The following FER1L6 variants were observed in gnomAD, a reference collection of about 807,000 sequenced individuals.
FER1L6 encodes fer-1 like family member 6.
FER1L6 carries 177 observed loss-of-function variants against 219.2 expected under a neutral mutation model. That is an observed-to-expected ratio of 0.81 (90% CI 0.71 to 0.91). The LOEUF is 0.91. Among genes scored for constraint, FER1L6 ranks in the 40% least tolerant of loss-of-function variants. The pLI is 0.00. For synonymous variants in FER1L6, 768 were observed against 824.3 expected (o/e 0.93, Z 1.17); for missense variants, 2,153 against 2,259.9 (o/e 0.95, Z 0.96).
At chr8:124,017,993 A>C (rs1454619052) in intron 16 of FER1L6, among the ~76,000 whole-genome samples, 2 of 152,242 alleles carry the variant, frequency 1.3e-5, no homozygotes, top group Admixed American at 6.5e-5. Flanking sequence ...TATTTTGTTA[A>C]AGGCGGTAGA....
intron 15 of FER1L6, among the ~76,000 whole-genome samples, chr8:124,015,616 T>TATATATATGTATA (rs1586593989): frequency 7.8e-6 from 1 of 128,608 alleles, no homozygotes; most frequent in Non-Finnish European, 1.7e-5. Context: ...TATATATATA[T>TATATATATGTATA]TACTCCTGCT....
At chr8:124,010,355 A>G (rs942418179) in intron 13 of FER1L6, among the ~76,000 whole-genome samples, 7 of 152,166 alleles carry the variant, frequency 4.6e-5, no homozygotes, top group African/African-American at 1.7e-4. Flanking sequence ...GATCATTTCT[A>G]AGCTTTGTTC....
chr8:123,874,664 A>C (rs1256491734), intron 1 of FER1L6, among the ~76,000 whole-genome samples: 3 of 152,188 alleles, frequency 2.0e-5, no homozygotes, highest in African/African-American at 7.2e-5. Flanking sequence ...TGACTGGTAC[A>C]TCTTATTATC....
chr8:123,855,526 T>C (rs1019798415), intron 1 of FER1L6, among the ~76,000 whole-genome samples: 1 of 151,330 alleles, frequency 6.6e-6, no homozygotes, highest in Non-Finnish European at 1.5e-5. Flanking sequence ...AAAAAGGGAG[T>C]GGGCAATAGT....
rs1017319777 is a variant in FER1L6, at chr8:123,992,777, A to G, written c.1519+6601A>G. Reference sequence around the variant, plus strand: ...AGTTTTGTTTTTTTCCTATTTTTCTACTTCCTTGAGGTGCGACATTGGGTT... The same window carrying G: ...AGTTTTGTTTTTTTCCTATTTTTCTGCTTCCTTGAGGTGCGACATTGGGTT... On this transcript the variant is annotated intron_variant, in intron 12 of 40. Coordinates refer to ENST00000522917, the MANE Select transcript of FER1L6 (RefSeq NM_001039112.2). 5.3e-5 allele frequency among the ~76,000 whole-genome samples: 8 copies of G among 151,204 alleles called. No homozygotes were observed. The East Asian group carries it at 7.8e-4, about 15-fold the overall frequency.
intron 39 of FER1L6, among the ~76,000 whole-genome samples, chr8:124,117,358 C>G (rs1823291867): frequency 6.6e-6 from 1 of 152,198 alleles, no homozygotes; most frequent in Non-Finnish European, 1.5e-5. Context: ...ATTATTATCA[C>G]TCCACTATTG....
rs1467471240 is a variant in FER1L6, at chr8:123,977,674, A to T, written c.1063+65A>T. 3 of 1,479,154 alleles carry T rather than the reference A, an allele frequency of 2.0e-6. No individual in the cohort carries two copies. The Admixed American group carries it at 5.5e-5, about 27-fold the overall frequency. The allele number at this position is 1,479,154 out of a possible 1,614,324, so 91.6% of individuals were successfully genotyped here. On this transcript the variant is annotated intron_variant, in intron 10 of 40. Transcript: ENST00000522917. ...TGCTTGCTTTAGAGCCCTCATCTTT[A>T]AAAGGGGTGGGCTAGAGCAGCAGTC... is the stretch of plus-strand genomic sequence containing the variant.
chr8:124,090,663 T>G (rs1431196443), intron 33 of FER1L6, among the ~76,000 whole-genome samples: 1 of 152,218 alleles, frequency 6.6e-6, no homozygotes, highest in Non-Finnish European at 1.5e-5. Flanking sequence ...AGCAGAGACA[T>G]CAAGCTTATC....
At chr8:123,897,065 T>C (rs113534887) in intron 1 of FER1L6, among the ~76,000 whole-genome samples, 10 of 152,248 alleles carry the variant, frequency 6.6e-5, no homozygotes, top group African/African-American at 2.4e-4. Flanking sequence ...TTTTCACACA[T>C]CTCACATGTG....
rs138984599 is a variant in FER1L6 at position 123,891,083 on chromosome 8, A to G, written c.-8+38898A>G. ...GTTCATCATTATTTAAGTGATATTCACTTGGATTAAGTAACAATAAAAAAA... is the reference window on the plus strand; with the variant it reads ...GTTCATCATTATTTAAGTGATATTCGCTTGGATTAAGTAACAATAAAAAAA... On this transcript the variant is annotated intron_variant, in intron 1 of 40. Coordinates refer to ENST00000522917, the MANE Select transcript of FER1L6 (RefSeq NM_001039112.2). 3.0e-3 allele frequency among the ~76,000 whole-genome samples: 456 copies of G among 152,272 alleles called. 4 individuals are homozygous for G. The highest frequency in any genetic ancestry group is 0.011 in the African/African-American group (441 of 41,556).
chr8:123,912,414 C>A (rs1314193807), intron 1 of FER1L6, among the ~76,000 whole-genome samples: 1 of 152,070 alleles, frequency 6.6e-6, no homozygotes, highest in Non-Finnish European at 1.5e-5. Context: ...AGGTTTTGCA[C>A]CTGTAGGGGC....
intron 1 of FER1L6, among the ~76,000 whole-genome samples, chr8:123,877,500 G>A (rs1001324608): frequency 1.3e-5 from 2 of 152,124 alleles, no homozygotes; most frequent in Admixed American, 6.5e-5. Context: ...CACTGGCATC[G>A]AATGAGATGA....
intron 12 of FER1L6, among the ~76,000 whole-genome samples, chr8:124,001,003 G>C (rs754915240): frequency 3.9e-5 from 6 of 152,160 alleles, no homozygotes; most frequent in Non-Finnish European, 5.9e-5. Context: ...AGCATCAAAG[G>C]ACCAGAGAAG....
intron 12 of FER1L6, among the ~76,000 whole-genome samples, chr8:123,998,873 G>A (rs200016575): frequency 3.3e-5 from 5 of 151,738 alleles, no homozygotes; most frequent in South Asian, 4.2e-4. Flanking sequence ...ACTGCCTGGC[G>A]ATTAGCAATG....
chr8:124,003,401 C>T (rs1817507189), intron 13 of FER1L6, 54 bp downstream of exon 13: 25 of 1,350,042 alleles, frequency 1.9e-5, no homozygotes, highest in Non-Finnish European at 2.4e-5. Flanking sequence ...GGAATTTTGT[C>T]CAGTTTCTAG....
At chr8:123,864,231 C>T (rs1314048213) in intron 1 of FER1L6, among the ~76,000 whole-genome samples, 1 of 150,586 alleles carries the variant, frequency 6.6e-6, no homozygotes, top group East Asian at 1.9e-4. Context: ...TTCTCCTTCA[C>T]TTATGAAGCT....
chr8:124,073,583 G>C (rs1821164851), intron 31 of FER1L6, among the ~76,000 whole-genome samples: 1 of 151,912 alleles, frequency 6.6e-6, no homozygotes, highest in Admixed American at 6.6e-5. Context: ...TTTTTCCTTA[G>C]TTTACAAGAT....
intron 1 of FER1L6, among the ~76,000 whole-genome samples, chr8:123,946,415 C>G (rs1814489481): frequency 6.6e-6 from 1 of 152,160 alleles, no homozygotes; most frequent in Admixed American, 6.5e-5. Context: ...CCACACCCAG[C>G]TAATTTTTTT....
chr8:123,932,367 C>G (rs1270369380), intron 1 of FER1L6, among the ~76,000 whole-genome samples: 1 of 152,142 alleles, frequency 6.6e-6, no homozygotes, highest in Non-Finnish European at 1.5e-5. Context: ...ACTCAGCCTC[C>G]CAAAGTGCTG....
Sources: allele counts gnomAD v4.1 joint callset (sites outside exome capture counted in the v4.1 genomes callset), GRCh38; gene constraint gnomAD v4.1.1; transcripts MANE v1.5; gene names NCBI Gene and HGNC (gene_info 2026-07-23, HGNC 2026-07-21).